C1orf198: variants seen among roughly 807,000 people sequenced by gnomAD.
C1orf198 encodes the protein uncharacterized protein C1orf198.
Under a neutral mutation model 31.4 loss-of-function variants are expected in C1orf198, and 17 were observed. The observed-to-expected ratio is 0.54, with a 90% CI of 0.37 to 0.81. C1orf198 has a LOEUF of 0.81. Among genes scored for constraint, C1orf198 ranks in the 40% least tolerant of loss-of-function variants. The pLI, the probability that C1orf198 is intolerant of heterozygous loss-of-function variation, is 0.00. For missense variants in C1orf198, 401 were observed against 450.3 expected, an observed-to-expected ratio of 0.89 and a Z score of 0.99; for synonymous variants, 175 against 193.8, an observed-to-expected ratio of 0.90 and a Z score of 0.81.
In C1orf198 at chr1:230,843,452, C is replaced by G; in HGVS notation, c.829G>C (p.Glu277Gln). ...PVQAFSSALH[E>Q]AAPSQLEGKL... ...CCCTCGAGCTGGGAGGGGGCAGCCT[C>G]GTGCAGTGCACTGCTGAAGGCCTGG... Residue 277 changes from glutamate to glutamine, a missense_variant, in exon 3 of 4, where the codon GAG (glutamate) becomes CAG (glutamine). Physicochemically the swap from Glu to Gln is conservative, Grantham distance 29. Transcript: ENST00000366663. This position sits in a 1 kb window ranked among gnomAD's most constrained non-coding sequence, Gnocchi z 4.9. The G allele has an allele frequency of 6.2e-7, 1 of 1,604,794 alleles. No homozygotes were observed. The highest frequency in any genetic ancestry group is 8.5e-7 in the Non-Finnish European group (1 of 1,175,708).
Position 230,843,238 on chromosome 1 carries a change from A to AGGAGGACGGAGGAG in C1orf198, c.927+115_927+116insCTCCTCCGTCCTCC. 8.3e-7 allele frequency: 1 copy of AGGAGGACGGAGGAG among 1,205,736 alleles called. No individual in the cohort carries two copies. Among genetic ancestry groups the AGGAGGACGGAGGAG allele is most frequent in the African/African-American group, 1.6e-5 (1 of 62,932 alleles). 74.7% of individuals were successfully genotyped at this position (1,205,736 alleles called of 1,614,324 possible). ...CATCCTCTGAGGAAGAGGCAGGGGA[A>AGGAGGACGGAGGAG]GGAGAAGAAAAAGAGCATGGGCACC... is the stretch of plus-strand genomic sequence containing the variant. On this transcript the variant is annotated intron_variant, in intron 3 of 3. Coordinates refer to ENST00000366663, the MANE Select transcript of C1orf198 (RefSeq NM_032800.3). The surrounding 1 kb of genome is among the most constrained non-coding windows in gnomAD (Gnocchi z 4.9).
intron 3 of C1orf198, among the ~76,000 whole-genome samples, chr1:230,842,652 G>A (rs1411420529): frequency 3.9e-5 from 6 of 151,924 alleles, no homozygotes; most frequent in African/African-American, 1.5e-4. Context: ...CCACTGCTCG[G>A]GTGATGGGTG....
Position 230,847,816 on chromosome 1 carries a change from T to C in C1orf198, c.385-3920A>G, listed in dbSNP as rs367573890. Among the ~76,000 whole-genome samples the C allele has an allele frequency of 8.5e-5, 13 of 152,340 alleles. No homozygotes were observed. The East Asian group carries it at 2.5e-3, about 29-fold the overall frequency. ...ACTCAGGGGACAAAGTTGACTTTGA[T>C]CTGGAAATTGTAGTGTAAGGAAGGC... On this transcript the variant is annotated intron_variant, in intron 2 of 3. Transcript: ENST00000366663.
chr1:230,868,550 C>A, upstream of C1orf198: 1 of 1,221,622 alleles, frequency 8.2e-7, no homozygotes, highest in Non-Finnish European at 1.0e-6. Flanking sequence ...GCGCCCCGCC[C>A]CTCGCTGTGC....
At chr1:230,860,654 T>C (rs893359607) in intron 1 of C1orf198, among the ~76,000 whole-genome samples, 5 of 151,904 alleles carry the variant, frequency 3.3e-5, no homozygotes, top group African/African-American at 1.2e-4. Flanking sequence ...GTACCTAGAG[T>C]AGGCAAAATC....
At chr1:230,850,264 C>T (rs1365669381) in intron 2 of C1orf198, among the ~76,000 whole-genome samples, 1 of 152,230 alleles carries the variant, frequency 6.6e-6, no homozygotes, top group Non-Finnish European at 1.5e-5. Flanking sequence ...CAGCACTGGG[C>T]TTAGGACTGC....
intron 2 of C1orf198, 124 bp downstream of exon 2, chr1:230,855,544 C>G: frequency 1.0e-6 from 1 of 1,000,454 alleles, no homozygotes; most frequent in South Asian, 1.7e-5. Context: ...CAACAATGGA[C>G]ACATCCCCTG....
chr1:230,856,781 C>T (rs1164455046), intron 1 of C1orf198, among the ~76,000 whole-genome samples: 2 of 152,164 alleles, frequency 1.3e-5, no homozygotes, highest in Non-Finnish European at 2.9e-5. Flanking sequence ...AAACGGAGAT[C>T]ATATCCATAT....
chr1:230,863,475 CTT>C (rs1421348805), intron 1 of C1orf198, among the ~76,000 whole-genome samples: 1 of 152,220 alleles, frequency 6.6e-6, no homozygotes, highest in East Asian at 1.9e-4. Context: ...AAAAGTGACT[CTT>C]ATCAATTAAA....
At chr1:230,861,611 G>A (rs560154143) in intron 1 of C1orf198, among the ~76,000 whole-genome samples, 2 of 152,316 alleles carry the variant, frequency 1.3e-5, no homozygotes, top group African/African-American at 4.8e-5. Flanking sequence ...CTAGAAGTCA[G>A]GGCTAGTTCG....
chr1:230,861,752 T>G (rs551701991), intron 1 of C1orf198, among the ~76,000 whole-genome samples: 9 of 152,290 alleles, frequency 5.9e-5, no homozygotes, highest in Admixed American at 2.0e-4. Flanking sequence ...CTGTCCAGCA[T>G]GGGGGCTCCC....
intron 2 of C1orf198, among the ~76,000 whole-genome samples, chr1:230,852,983 C>T (rs1039894272): frequency 3.3e-5 from 5 of 152,194 alleles, no homozygotes; most frequent in South Asian, 2.1e-4. Context: ...TTCCCGCACA[C>T]GGATCTCTCC....
chr1:230,868,327 C>T lies in C1orf198; in HGVS notation c.186G>A (p.Pro62=), dbSNP rs753921125. The change falls in exon 1 of 4, where the codon CCG becomes CCA. Residue 62 remains proline (P), a synonymous_variant. Transcript: ENST00000366663. ...EKYGPEWARL[P]PAQQDEIIDR... ...CGATGATCTCGTCCTGCTGCGCGGG[C>T]GGCAGCCGCGCCCACTCGGGCCCGT... 1.3e-6 allele frequency: 2 copies of T among 1,595,612 alleles called. No individual in the cohort carries two copies. Among genetic ancestry groups the T allele is most frequent in the South Asian group, 1.1e-5 (1 of 89,332 alleles).
rs1378474965 is a variant in C1orf198, at chr1:230,843,087, CCG to C, written c.927+265_927+266del. ...TCCAGGGGCCTCTTCTGATAGCAGCCCGCGCACTGGGGAAAGCGCAGTGGGCC... is the reference window on the plus strand; with the variant it reads ...TCCAGGGGCCTCTTCTGATAGCAGCCCGCACTGGGGAAAGCGCAGTGGGCC... On this transcript the variant is annotated intron_variant, in intron 3 of 3. Coordinates refer to ENST00000366663, the MANE Select transcript of C1orf198 (RefSeq NM_032800.3). The surrounding 1 kb of genome is among the most constrained non-coding windows in gnomAD (Gnocchi z 4.9). 6.6e-6 allele frequency among the ~76,000 whole-genome samples: 1 copy of C among 152,268 alleles called. No homozygotes were observed. The highest frequency in any genetic ancestry group is 6.5e-5 in the Admixed American group (1 of 15,290).
intron 2 of C1orf198, among the ~76,000 whole-genome samples, chr1:230,849,004 C>T (rs1572131190): frequency 6.6e-6 from 1 of 152,316 alleles, no homozygotes; most frequent in Non-Finnish European, 1.5e-5. Context: ...AGCACCAGGA[C>T]AGAGCGAAAA....
intron 2 of C1orf198, among the ~76,000 whole-genome samples, chr1:230,846,734 G>A (rs570835104): frequency 1.3e-5 from 2 of 152,278 alleles, no homozygotes; most frequent in African/African-American, 2.4e-5. Flanking sequence ...AGGCTGAAGC[G>A]GGCAGATCAC....
chr1:230,845,085 C>T (rs572409565), intron 2 of C1orf198, among the ~76,000 whole-genome samples: 49 of 152,046 alleles, frequency 3.2e-4, no homozygotes, highest in African/African-American at 1.0e-3. Flanking sequence ...TAAATTAATA[C>T]GCCAGATGTG....
Position 230,855,662 on chromosome 1 carries a change from A to G in C1orf198, c.384+6T>C, listed in dbSNP as rs1669853384. On this transcript the variant is annotated splice_donor_region_variant and intron_variant, in intron 2 of 3. Coordinates refer to ENST00000366663, the MANE Select transcript of C1orf198 (RefSeq NM_032800.3). ...AACAAATAGATCTAAATTTAATCCA[A>G]CTTACCTTTGTTTCCCAGGAGAAAG... 6.2e-7 allele frequency: 1 copy of G among 1,612,072 alleles called. No individual in the cohort carries two copies. The highest frequency in any genetic ancestry group is 8.5e-7 in the Non-Finnish European group (1 of 1,178,888).
rs1669900632 is a variant in C1orf198, at chr1:230,857,418, C to T, written c.334-1700G>A. Among the ~76,000 whole-genome samples, 1 of 152,328 alleles carries T rather than the reference C, an allele frequency of 6.6e-6. No individual in the cohort carries two copies. Among genetic ancestry groups the T allele is most frequent in the Non-Finnish European group, 1.5e-5 (1 of 68,036 alleles). On this transcript the variant is annotated intron_variant, in intron 1 of 3. Coordinates refer to ENST00000366663, the MANE Select transcript of C1orf198 (RefSeq NM_032800.3). This position sits in a 1 kb window ranked among gnomAD's most constrained non-coding sequence, Gnocchi z 4.2. ...CCTTTCACAGGTTGATTTTCCCCCA[C>T]AATCACCCGCTCCCAACACTCACAC...
Sources: allele counts gnomAD v4.1 joint callset (sites outside exome capture counted in the v4.1 genomes callset), GRCh38; gene constraint gnomAD v4.1.1; non-coding constraint Gnocchi (gnomAD v3.1); transcripts MANE v1.5; gene names NCBI Gene and HGNC (gene_info 2026-07-23, HGNC 2026-07-21).